The following ABR variants were observed in gnomAD, a reference collection of about 807,000 sequenced individuals.
ABR encodes active breakpoint cluster region-related protein.
In ABR, 35 loss-of-function variants were observed where a neutral mutation model predicts 107.2. That is an observed-to-expected ratio of 0.33 (90% CI 0.25 to 0.43). The LOEUF (loss-of-function observed/expected upper bound fraction) is 0.43, where lower values mean the gene tolerates loss of function less well. ABR is among the 20% of genes least tolerant of loss of function. The pLI, the probability that ABR is intolerant of heterozygous loss-of-function variation, is 1.00. For missense variants in ABR, 815 were observed against 1,115.2 expected, an observed-to-expected ratio of 0.73 and a Z score of 3.83; for synonymous variants, 498 against 462.0, an observed-to-expected ratio of 1.08 and a Z score of -1.00.
At chr17:1,035,245 C>T (rs1022073853) in intron 16 of ABR, among the ~76,000 whole-genome samples, 4 of 151,530 alleles carry the variant, frequency 2.6e-5, no homozygotes, top group Admixed American at 2.6e-4. Flanking sequence ...CCACGGACCC[C>T]TCCTCATCTC....
intron 16 of ABR, among the ~76,000 whole-genome samples, chr17:1,022,121 A>C (rs1160601247): frequency 7.4e-5 from 6 of 80,930 alleles, no homozygotes; most frequent in East Asian, 3.1e-4. Flanking sequence ...AAAAAAAAAA[A>C]AAAACAGAAA....
chr17:1,028,319 G>A (rs899265548), intron 16 of ABR, among the ~76,000 whole-genome samples: 3 of 150,988 alleles, frequency 2.0e-5, no homozygotes, highest in African/African-American at 4.9e-5. Flanking sequence ...GGCTGGTCTC[G>A]AACGCCTGAC....
intron 5 of ABR, among the ~76,000 whole-genome samples, chr17:1,079,936 C>T (rs2036095068): frequency 6.6e-6 from 1 of 151,538 alleles, no homozygotes; most frequent in Admixed American, 6.6e-5. Context: ...GGGGCGTGGG[C>T]AAGAAGGAAG....
At chr17:1,036,682 G>A (rs77177849) in intron 16 of ABR, among the ~76,000 whole-genome samples, 2,940 of 152,208 alleles carry the variant, frequency 0.019, 99 homozygotes, top group African/African-American at 0.067. Context: ...AGGATGGCAC[G>A]TTCCGGGGAC....
chr17:1,049,434 G>A (rs867844810), intron 16 of ABR, among the ~76,000 whole-genome samples: 2 of 152,218 alleles, frequency 1.3e-5, no homozygotes, highest in African/African-American at 4.8e-5. Context: ...CCAAGGTGCT[G>A]GGATTACAGG....
chr17:1,024,011 C>T (rs60133932), intron 16 of ABR, among the ~76,000 whole-genome samples: 20,206 of 123,812 alleles, frequency 0.16, 1,996 homozygotes, highest in African/African-American at 0.3. Flanking sequence ...GGCGACAGAG[C>T]GAGACTCCAT....
intron 2 of ABR, among the ~76,000 whole-genome samples, chr17:1,104,343 C>T (rs2038103538): frequency 6.6e-6 from 1 of 151,844 alleles, no homozygotes; most frequent in African/African-American, 2.4e-5. Context: ...TGGTCCTCCA[C>T]AGAGTTGAGA....
chr17:1,141,994 G>A (rs1449622977), intron 1 of ABR, among the ~76,000 whole-genome samples: 1 of 151,934 alleles, frequency 6.6e-6, no homozygotes, highest in African/African-American at 2.4e-5. Flanking sequence ...CTGACCTCAG[G>A]TGATCCACCT....
chr17:1,010,943 C>A lies in ABR; in HGVS notation c.2102-80G>T. ...CACCCCCGACCCATCCTGACACAGC[C>A]CCCACCCACTCCAGCTCTGGTTCTG... On this transcript the variant is annotated intron_variant, in intron 19 of 22. Transcript: ENST00000302538. The surrounding 1 kb of genome is among the most constrained non-coding windows in gnomAD (Gnocchi z 4.1). 6.4e-7 allele frequency: 1 copy of A among 1,564,702 alleles called. No individual in the cohort carries two copies.
chr17:1,161,847 G>A (rs540751754), intron 1 of ABR, among the ~76,000 whole-genome samples: 37 of 152,252 alleles, frequency 2.4e-4, no homozygotes, highest in Admixed American at 6.5e-4. Context: ...GAGCCACAGC[G>A]CCCGGCCAGA....
At chr17:1,206,495 G>A (rs1428777012) in intron 1 of ABR, among the ~76,000 whole-genome samples, 4 of 152,130 alleles carry the variant, frequency 2.6e-5, no homozygotes, top group South Asian at 4.1e-4. Context: ...GGGCTCAAGC[G>A]GTTCTCCTGT....
chr17:1,224,667 C>T (rs950627819), intron 1 of ABR, among the ~76,000 whole-genome samples: 9 of 152,216 alleles, frequency 5.9e-5, no homozygotes, highest in East Asian at 1.9e-4. Context: ...GGGGGAAACA[C>T]GTATCTTATT....
At chr17:1,021,535 G>C (rs762031367) in intron 16 of ABR, among the ~76,000 whole-genome samples, 1 of 152,252 alleles carries the variant, frequency 6.6e-6, no homozygotes, top group Admixed American at 6.5e-5. Flanking sequence ...GCCAGGTGCG[G>C]TGGCTCACGC....
chr17:1,068,052 T>TCTCC (rs1282083885), intron 9 of ABR, among the ~76,000 whole-genome samples: 1 of 152,184 alleles, frequency 6.6e-6, no homozygotes, highest in Non-Finnish European at 1.5e-5. Flanking sequence ...CCCACCTCAT[T>TCTCC]CTCCCAAGTA....
chr17:1,127,582 C>A (rs1363564398), intron 1 of ABR, among the ~76,000 whole-genome samples: 2 of 152,206 alleles, frequency 1.3e-5, no homozygotes. Flanking sequence ...CTCCCGCCGG[C>A]CCCTCCCTCC....
chr17:1,090,057 G>A (rs1331129673), intron 4 of ABR, among the ~76,000 whole-genome samples: 2 of 152,242 alleles, frequency 1.3e-5, no homozygotes, highest in African/African-American at 4.8e-5. Context: ...CACAAGGCCT[G>A]CATTTGGCGA....
chr17:1,024,864 A>G (rs533552104), intron 16 of ABR, among the ~76,000 whole-genome samples: 1 of 152,068 alleles, frequency 6.6e-6, no homozygotes, highest in South Asian at 2.1e-4. Flanking sequence ...TCACGCCTGT[A>G]ATCTCAGCAC....
At chr17:1,033,843 T>A (rs1273948744) in intron 16 of ABR, among the ~76,000 whole-genome samples, 1 of 151,810 alleles carries the variant, frequency 6.6e-6, no homozygotes, top group South Asian at 2.1e-4. Flanking sequence ...TCTCCACCCC[T>A]CCTTCGCCTG....
At chr17:1,106,237 T>C (rs964464727) in intron 2 of ABR, among the ~76,000 whole-genome samples, 2 of 152,096 alleles carry the variant, frequency 1.3e-5, no homozygotes, top group African/African-American at 4.8e-5. Flanking sequence ...GGAAACAGGA[T>C]TGATTTATGG....
Sources: gnomAD v4.1 joint callset for allele counts (sites outside exome capture counted in the v4.1 genomes callset) on GRCh38, gnomAD v4.1.1 for gene constraint, Gnocchi (gnomAD v3.1) non-coding constraint, MANE v1.5 for transcripts, NCBI Gene and HGNC (gene_info 2026-07-23, HGNC 2026-07-21) for gene names.